Variants in ZNF718 observed in about 807,000 individuals in gnomAD.
ZNF718 encodes zinc finger protein 718.
Under a neutral mutation model 2.6 loss-of-function variants are expected in ZNF718, and 3 were observed. That is an observed-to-expected ratio of 1.16 (90% CI 0.53 to 3.01). The LOEUF is 3.01. Ranked by LOEUF, ZNF718 falls within the 30% of genes most tolerant of loss-of-function variation. ZNF718 has a pLI of 0.03. For synonymous variants in ZNF718, 135 were observed against 77.9 expected, an observed-to-expected ratio of 1.73 and a Z score of -3.86; for missense variants, 468 against 230.0, an observed-to-expected ratio of 2.03 and a Z score of -6.69.
At chr4:176,316 C>G (rs1419085901) in intron 3 of ZNF718, among the ~76,000 whole-genome samples, 2 of 152,122 alleles carry the variant, frequency 1.3e-5, no homozygotes, top group African/African-American at 2.4e-5. Context: ...ACAAAACCTT[C>G]CCCCTGCTAA....
chr4:155,185 G>A (rs1402694888), intron 3 of ZNF718, among the ~76,000 whole-genome samples: 4 of 151,728 alleles, frequency 2.6e-5, no homozygotes, highest in African/African-American at 4.9e-5. Flanking sequence ...CAGGGGTGTG[G>A]CCCTCATGGA....
chr4:191,858 A>G (rs1239828054), intron 3 of ZNF718, among the ~76,000 whole-genome samples: 3 of 152,178 alleles, frequency 2.0e-5, no homozygotes, highest in African/African-American at 4.8e-5. Context: ...CAAGACTTTT[A>G]TTCTCTGACC....
Position 164,045 on chromosome 4 carries a change from CAATTA to C in ZNF718, c.*1929_*1933del. The stretch of plus-strand genomic sequence containing the variant: ...ATTATACACTTCATTTTTAAATGTA[CAATTA>C]AATTATTTTTTATTACAGGTAATTT... On this transcript the variant is annotated 3_prime_UTR_variant, in exon 4 of 4. Coordinates refer to ENST00000510175, the MANE Select transcript of ZNF718 (RefSeq NM_001039127.6). 1 of 151,832 alleles carries C rather than the reference CAATTA, an allele frequency of 6.6e-6. No homozygotes were observed. Among genetic ancestry groups the C allele is most frequent in the East Asian group, 1.9e-4 (1 of 5,192 alleles). The allele number at this position is 151,832 out of a possible 1,614,324, so 9.4% of individuals were successfully genotyped here. A position where few individuals can be genotyped will look rare whatever the true frequency, so the allele number is the denominator to read the frequency against.
At chr4:187,875 C>CT (rs1717600274) in intron 3 of ZNF718, among the ~76,000 whole-genome samples, 1 of 152,202 alleles carries the variant, frequency 6.6e-6, no homozygotes. Flanking sequence ...TGGTGACCCA[C>CT]TCTGCCTCCT....
At chr4:179,412 CTG>C (rs1717421908) in intron 3 of ZNF718, among the ~76,000 whole-genome samples, 1 of 152,136 alleles carries the variant, frequency 6.6e-6, no homozygotes, top group Non-Finnish European at 1.5e-5. Context: ...TCAAATATCT[CTG>C]TAAGAGAAGT....
chr4:141,659 C>G (rs1237602108), intron 3 of ZNF718, among the ~76,000 whole-genome samples: 1 of 152,168 alleles, frequency 6.6e-6, no homozygotes, highest in East Asian at 1.9e-4. Context: ...GTGAATAATA[C>G]TAATATATGT....
intron 3 of ZNF718, among the ~76,000 whole-genome samples, chr4:146,513 A>G (rs1037680671): frequency 3.9e-5 from 6 of 152,068 alleles, no homozygotes; most frequent in Non-Finnish European, 8.8e-5. Context: ...TGTCCTGGGC[A>G]AGTTTTTTAT....
intron 3 of ZNF718, among the ~76,000 whole-genome samples, chr4:182,381 CATT>C (rs1717484012): frequency 6.6e-6 from 1 of 151,638 alleles, no homozygotes; most frequent in Non-Finnish European, 1.5e-5. Context: ...GATGATATCT[CATT>C]GTAGTTTTGA....
chr4:174,252 G>A (rs1356520359), intron 3 of ZNF718, among the ~76,000 whole-genome samples: 1 of 152,046 alleles, frequency 6.6e-6, no homozygotes, highest in Non-Finnish European at 1.5e-5. Flanking sequence ...CCACCACCCT[G>A]ACCAATCTTC....
chr4:166,209 C>T (rs1717083813), downstream of ZNF718, among the ~76,000 whole-genome samples: 1 of 152,160 alleles, frequency 6.6e-6, no homozygotes, highest in African/African-American at 2.4e-5. Context: ...CATAGTATTC[C>T]ATGGTGTATA....
chr4:142,026 A>C, intron 3 of ZNF718: 1 of 520,064 alleles, frequency 1.9e-6, no homozygotes, highest in Non-Finnish European at 3.8e-6. Flanking sequence ...TTCTGAGAAC[A>C]TAGGAGAAAA....
intron 3 of ZNF718, among the ~76,000 whole-genome samples, chr4:158,178 G>T (rs781973652): frequency 2.0e-5 from 3 of 152,060 alleles, no homozygotes; most frequent in Non-Finnish European, 2.9e-5. Flanking sequence ...GATGCACTTT[G>T]TGTAATATAA....
At chr4:164,304 G>A (rs145875734), downstream of ZNF718, among the ~76,000 whole-genome samples, 554 of 151,912 alleles carry the variant, frequency 3.6e-3, 6 homozygotes, top group African/African-American at 0.013. Flanking sequence ...AATTGTGTTT[G>A]GAAATTTGTA....
In ZNF718 at chr4:132,040, G is replaced by A. The variant is rs1175087233; in HGVS notation, c.226+535G>A. Among the ~76,000 whole-genome samples, 4 of 90,002 alleles carry A rather than the reference G, an allele frequency of 4.4e-5. 1 individual carries two copies. Among genetic ancestry groups the A allele is most frequent in the African/African-American group, 1.6e-4 (4 of 25,774 alleles). 59.0% of individuals were successfully genotyped at this position (90,002 alleles called of 152,430 possible). A position where few individuals can be genotyped will look rare whatever the true frequency, so the allele number is the denominator to read the frequency against. On this transcript the variant is annotated intron_variant, in intron 3 of 3. Coordinates refer to ENST00000510175, the MANE Select transcript of ZNF718 (RefSeq NM_001039127.6). ...AGCCTGAGCGACAGAGCGAGACTCC[G>A]TCTCAAAAAAAAAAAAAACCCAGGA...
At chr4:157,169 A>G (rs187992791) in intron 3 of ZNF718, among the ~76,000 whole-genome samples, 1 of 128,678 alleles carries the variant, frequency 7.8e-6, no homozygotes, top group African/African-American at 3.1e-5. Flanking sequence ...CTGGAGTGCA[A>G]TGGTGCAATC....
intron 3 of ZNF718, among the ~76,000 whole-genome samples, chr4:144,655 CT>C (rs1390719667): frequency 6.6e-6 from 1 of 151,750 alleles, no homozygotes; most frequent in Non-Finnish European, 1.5e-5. Flanking sequence ...AATATCTTTC[CT>C]TTTTTTTCTC....
chr4:182,972 T>G (rs1271991008), intron 3 of ZNF718, among the ~76,000 whole-genome samples: 2 of 152,204 alleles, frequency 1.3e-5, no homozygotes, highest in Non-Finnish European at 2.9e-5. Context: ...TGTTGACAGT[T>G]TCTTTTTCTG....
chr4:187,167 TG>T (rs1717585653), intron 3 of ZNF718, among the ~76,000 whole-genome samples: 1 of 152,124 alleles, frequency 6.6e-6, no homozygotes, highest in African/African-American at 2.4e-5. Context: ...TGTGGTTTGC[TG>T]GGGGTCCACT....
intron 1 of ZNF718, 92 bp from the exon 2 acceptor site, chr4:130,696 C>T (rs1560107723): frequency 1.1e-5 from 2 of 188,068 alleles, no homozygotes; most frequent in Non-Finnish European, 2.0e-5. Flanking sequence ...GAGCTGAGAC[C>T]GTACCACTGC....
Sources: gnomAD v4.1 joint callset for allele counts (sites outside exome capture counted in the v4.1 genomes callset) on GRCh38, gnomAD v4.1.1 for gene constraint, MANE v1.5 for transcripts, NCBI Gene and HGNC (gene_info 2026-07-23, HGNC 2026-07-21) for gene names.